Variants in SUGCT observed in about 807,000 individuals in gnomAD.
The protein encoded by SUGCT is succinyl-CoA:glutarate CoA-transferase.
In SUGCT, 41 loss-of-function variants were observed where a neutral mutation model predicts 55.0. The observed-to-expected ratio is 0.74, with a 90% confidence interval of 0.58 to 0.97. SUGCT has a LOEUF of 0.97. Among genes scored for constraint, SUGCT ranks in the 50% least tolerant of loss-of-function variants. The probability of loss-of-function intolerance (pLI) is 0.00; values close to 1 mark genes in which losing one functional copy is unlikely to be tolerated. For synonymous variants in SUGCT, 187 were observed against 200.4 expected, an observed-to-expected ratio of 0.93 and a Z score of 0.56; for missense variants, 568 against 547.8, an observed-to-expected ratio of 1.04 and a Z score of -0.37.
At chr7:40,733,998 A>G (rs748599954) in intron 12 of SUGCT, among the ~76,000 whole-genome samples, 17 of 152,354 alleles carry the variant, frequency 1.1e-4, no homozygotes, top group South Asian at 2.1e-4. Flanking sequence ...TACAACCTTC[A>G]TATTCTTGTG....
intron 9 of SUGCT, among the ~76,000 whole-genome samples, chr7:40,403,264 C>T (rs1028441810): frequency 6.6e-6 from 1 of 152,160 alleles, no homozygotes; most frequent in Non-Finnish European, 1.5e-5. Flanking sequence ...AGTAGGTAAG[C>T]TTAGCAACAT....
intron 1 of SUGCT, among the ~76,000 whole-genome samples, chr7:40,172,120 G>A (rs928203122): frequency 6.6e-5 from 10 of 152,102 alleles, no homozygotes; most frequent in East Asian, 3.9e-4. Flanking sequence ...TACTCAATTC[G>A]CTTTCATCCT....
At chr7:40,360,220 C>T (rs1175158074) in intron 9 of SUGCT, among the ~76,000 whole-genome samples, 2 of 152,116 alleles carry the variant, frequency 1.3e-5, no homozygotes, top group Non-Finnish European at 1.5e-5. Flanking sequence ...TGCCATGTTG[C>T]CCAGGCTGGT....
intron 6 of SUGCT, among the ~76,000 whole-genome samples, chr7:40,201,852 A>C (rs79154836): frequency 6.6e-6 from 1 of 152,202 alleles, no homozygotes; most frequent in Admixed American, 6.5e-5. Context: ...GACTTACTGG[A>C]GTACCACCAG....
At chr7:41,029,505 T>C in the SUGCT span, among the ~76,000 whole-genome samples, 1 of 152,154 alleles carries the variant, frequency 6.6e-6, no homozygotes, top group Non-Finnish European at 1.5e-5. Context: ...TAAAGCCCCT[T>C]GTCTCCCAGG....
At chr7:40,800,666 A>T (rs1790772358) in intron 13 of SUGCT, among the ~76,000 whole-genome samples, 1 of 151,994 alleles carries the variant, frequency 6.6e-6, no homozygotes, top group African/African-American at 2.4e-5. Flanking sequence ...TTCTGCTACC[A>T]CTTACTGTAG....
intron 12 of SUGCT, among the ~76,000 whole-genome samples, chr7:40,500,401 A>T (rs113322528): frequency 0.018 from 2,672 of 152,312 alleles, 34 homozygotes; most frequent in Middle Eastern, 0.037. Context: ...CCTGATTTTA[A>T]CTAGTGCCAA....
In SUGCT at chr7:40,240,635, C is replaced by T. The variant is rs75925935; in HGVS notation, c.576+2909C>T. ...GGGAAAGCACTTCTGAAAGCCTTGG[C>T]TAATATTTTTAACCAGCCAGTGCAC... is the stretch of plus-strand genomic sequence containing the variant. On this transcript the variant is annotated intron_variant, in intron 7 of 13. Coordinates refer to ENST00000335693, the MANE Select transcript of SUGCT (RefSeq NM_001193313.2). Among the ~76,000 whole-genome samples, 354 of 152,316 alleles carry T rather than the reference C, an allele frequency of 2.3e-3. 7 individuals are homozygous for T. In the East Asian group the frequency reaches 0.06, roughly 26 times the overall value.
At chr7:40,343,470 G>A (rs1316076939) in intron 9 of SUGCT, among the ~76,000 whole-genome samples, 1 of 151,872 alleles carries the variant, frequency 6.6e-6, no homozygotes, top group Non-Finnish European at 1.5e-5. Context: ...GTTATGGACC[G>A]TTTTAGGAAA....
chr7:40,929,545 G>A, the SUGCT span, among the ~76,000 whole-genome samples: 2 of 152,266 alleles, frequency 1.3e-5, no homozygotes, highest in African/African-American at 2.4e-5. Flanking sequence ...CACCAACAGT[G>A]TAAAAGTGTC....
chr7:40,208,260 T>C (rs1217291122), intron 6 of SUGCT, among the ~76,000 whole-genome samples: 1 of 152,160 alleles, frequency 6.6e-6, no homozygotes, highest in Non-Finnish European at 1.5e-5. Flanking sequence ...TGGAGATGGA[T>C]GGTGGTGATA....
chr7:41,028,393 G>T, the SUGCT span, among the ~76,000 whole-genome samples: 1 of 152,202 alleles, frequency 6.6e-6, no homozygotes, highest in African/African-American at 2.4e-5. Flanking sequence ...CGTCCCAAGT[G>T]ATCAATTTGG....
At chr7:40,478,541 A>G (rs1790841537) in intron 11 of SUGCT, among the ~76,000 whole-genome samples, 2 of 152,264 alleles carry the variant, frequency 1.3e-5, no homozygotes, top group East Asian at 1.9e-4. Context: ...TTAAAGGTGT[A>G]TTTAACAAAT....
chr7:40,521,698 T>C (rs1793538118), intron 12 of SUGCT, among the ~76,000 whole-genome samples: 1 of 152,112 alleles, frequency 6.6e-6, no homozygotes, highest in Non-Finnish European at 1.5e-5. Flanking sequence ...TTTCATGTAG[T>C]ACTAGGTAAG....
At chr7:40,860,235 A>G (rs1017497527) in intron 13 of SUGCT, 81 bp from the exon 14 acceptor site, 4 of 1,567,924 alleles carry the variant, frequency 2.6e-6, no homozygotes, top group Non-Finnish European at 2.6e-6. Flanking sequence ...GCATTCATGG[A>G]AAACACCCCA....
intron 12 of SUGCT, among the ~76,000 whole-genome samples, chr7:40,726,259 A>ATATTATATG (rs2128690802): frequency 6.6e-6 from 1 of 152,230 alleles, no homozygotes; most frequent in East Asian, 1.9e-4. Flanking sequence ...TATATTTTAT[A>ATATTATATG]TATTATATGT....
chr7:40,534,822 A>C (rs1219262590), intron 12 of SUGCT, among the ~76,000 whole-genome samples: 1 of 152,218 alleles, frequency 6.6e-6, no homozygotes, highest in African/African-American at 2.4e-5. Flanking sequence ...CATGCTTTCA[A>C]GAAATAAAAT....
At chr7:40,868,931 A>T in the SUGCT span, among the ~76,000 whole-genome samples, 1 of 152,242 alleles carries the variant, frequency 6.6e-6, no homozygotes, top group African/African-American at 2.4e-5. Flanking sequence ...AGTACATAGA[A>T]TTCCCATGTA....
chr7:40,561,073 G>A (rs1795811017), intron 12 of SUGCT, among the ~76,000 whole-genome samples: 1 of 152,192 alleles, frequency 6.6e-6, no homozygotes, highest in African/African-American at 2.4e-5. Context: ...AGCATTGCCT[G>A]TGTTTGGACT....
Sources: gnomAD v4.1 joint callset for allele counts (sites outside exome capture counted in the v4.1 genomes callset) on GRCh38, gnomAD v4.1.1 for gene constraint, MANE v1.5 for transcripts, NCBI Gene and HGNC (gene_info 2026-07-23, HGNC 2026-07-21) for gene names.